SRC: variants seen among roughly 807,000 people sequenced by gnomAD.
SRC encodes proto-oncogene tyrosine-protein kinase Src.
In SRC, 13 loss-of-function variants were observed where a neutral mutation model predicts 62.9. That is an observed-to-expected ratio of 0.21 (90% CI 0.13 to 0.33). The LOEUF is 0.33. Among genes scored for constraint, SRC ranks in the 10% least tolerant of loss-of-function variants. The pLI, the probability that SRC is intolerant of heterozygous loss-of-function variation, is 1.00. For missense variants in SRC, 457 were observed against 737.3 expected (o/e 0.62, Z 4.40); for synonymous variants, 302 against 317.5 (o/e 0.95, Z 0.52).
intron 1 of SRC, among the ~76,000 whole-genome samples, chr20:37,347,632 G>A (rs1280877183): frequency 6.6e-6 from 1 of 152,200 alleles, no homozygotes; most frequent in Admixed American, 6.5e-5. Context: ...CAGCAGCTGG[G>A]TGACCGTAAG....
At chr20:37,382,998 C>T (rs953868113) in intron 3 of SRC, among the ~76,000 whole-genome samples, 1 of 152,208 alleles carries the variant, frequency 6.6e-6, no homozygotes, top group Admixed American at 6.5e-5. Flanking sequence ...AGTCCCTTAG[C>T]TCTTAAATAG....
Position 37,402,369 on chromosome 20 carries a change from A to T in SRC, c.1117-66A>T. 3 of 1,574,782 alleles carry T rather than the reference A, an allele frequency of 1.9e-6. No homozygotes were observed. The highest frequency in any genetic ancestry group is 2.6e-6 in the Non-Finnish European group (3 of 1,159,616). Reference sequence around the variant, plus strand: ...GGGGTGGTTGGCTCTCCAGCCCCAGAGTGCTCTGTGGCCCTGGGAGGGCAT... The same window carrying T: ...GGGGTGGTTGGCTCTCCAGCCCCAGTGTGCTCTGTGGCCCTGGGAGGGCAT... On this transcript the variant is annotated intron_variant, in intron 11 of 13. Coordinates refer to ENST00000373578, the MANE Select transcript of SRC (RefSeq NM_198291.3). This position sits in a 1 kb window ranked among gnomAD's most constrained non-coding sequence, Gnocchi z 6.2.
intron 2 of SRC, among the ~76,000 whole-genome samples, chr20:37,371,605 C>A (rs1341246469): frequency 6.6e-6 from 1 of 151,962 alleles, no homozygotes; most frequent in Non-Finnish European, 1.5e-5. Context: ...TTCTTTCCTT[C>A]CTTGTATAGC....
At chr20:37,361,899 G>T (rs1417195126) in intron 1 of SRC, among the ~76,000 whole-genome samples, 2 of 144,240 alleles carry the variant, frequency 1.4e-5, no homozygotes, top group East Asian at 4.1e-4. Flanking sequence ...CTGTGTGCAG[G>T]TAGAGATGCC....
chr20:37,382,377 G>C (rs187731441), intron 2 of SRC, among the ~76,000 whole-genome samples: 65 of 152,280 alleles, frequency 4.3e-4, no homozygotes, highest in Non-Finnish European at 5.3e-4. Flanking sequence ...TGGATGTGGA[G>C]AGCCCAGCTC....
In SRC at chr20:37,402,602, G is replaced by A. The variant is rs2070756091; in HGVS notation, c.1270+14G>A. On this transcript the variant is annotated intron_variant, in intron 12 of 13. Coordinates refer to ENST00000373578, the MANE Select transcript of SRC (RefSeq NM_198291.3). This position sits in a 1 kb window ranked among gnomAD's most constrained non-coding sequence, Gnocchi z 6.2. ...CGGCGCGGCAAGGTGGGCAGGGGCT[G>A]TGTGGTATGTCGCGCTTGGCCTGGG... 1 of 1,604,420 alleles carries A rather than the reference G, an allele frequency of 6.2e-7. No individual in the cohort carries two copies. The highest frequency in any genetic ancestry group is 1.7e-5 in the Admixed American group (1 of 59,158).
chr20:37,362,784 G>C (rs1396268435), intron 1 of SRC, among the ~76,000 whole-genome samples: 1 of 152,146 alleles, frequency 6.6e-6, no homozygotes, highest in Admixed American at 6.5e-5. Context: ...CCAGTCCCTA[G>C]ATGCTGTCTC....
At chr20:37,371,845 G>A (rs2070169898) in intron 2 of SRC, among the ~76,000 whole-genome samples, 3 of 152,084 alleles carry the variant, frequency 2.0e-5, no homozygotes, top group African/African-American at 7.2e-5. Context: ...GGGATTACAA[G>A]GCACCTGCCA....
intron 2 of SRC, among the ~76,000 whole-genome samples, chr20:37,375,865 A>G (rs146746091): frequency 1.7e-3 from 257 of 152,314 alleles, no homozygotes; most frequent in Middle Eastern, 6.8e-3. Context: ...TCAGTGTCTG[A>G]TGAGGACTCT....
intron 4 of SRC, among the ~76,000 whole-genome samples, chr20:37,385,666 G>A (rs1471018671): frequency 6.6e-6 from 1 of 152,194 alleles, no homozygotes; most frequent in Non-Finnish European, 1.5e-5. Flanking sequence ...AGCCTCCTGG[G>A]GGAGTGTTCT....
Position 37,401,682 on chromosome 20 carries a change from A to T in SRC, c.1116+4A>T. On this transcript the variant is annotated splice_donor_region_variant and intron_variant, in intron 11 of 13. Transcript: ENST00000373578. ...GCTGGTGGACATGGCTGCTCAGGTG[A>T]GTCAGCCCCTCCCGCCTCCCCACAC... The T allele has an allele frequency of 6.2e-7, 1 of 1,604,820 alleles. No homozygotes were observed. The highest frequency in any genetic ancestry group is 2.3e-5 in the East Asian group (1 of 44,072).
chr20:37,383,026 T>A (rs182816312), intron 3 of SRC, among the ~76,000 whole-genome samples: 57 of 152,360 alleles, frequency 3.7e-4, no homozygotes, highest in African/African-American at 1.3e-3. Flanking sequence ...TTCGTTCAGC[T>A]GTTTACTGAG....
At chr20:37,353,985 A>T (rs905186925) in intron 1 of SRC, among the ~76,000 whole-genome samples, 3 of 152,228 alleles carry the variant, frequency 2.0e-5, no homozygotes, top group African/African-American at 7.2e-5. Flanking sequence ...TGTTGCAAGG[A>T]TGAAGTCTTG....
chr20:37,385,053 ACAGACACCCG>A (rs1292837898), intron 4 of SRC, among the ~76,000 whole-genome samples: 1 of 152,240 alleles, frequency 6.6e-6, no homozygotes, highest in African/African-American at 2.4e-5. Flanking sequence ...AGGCAGGGTC[ACAGACACCCG>A]CAGACACATC....
At chr20:37,377,591 G>A (rs1418992381) in intron 2 of SRC, among the ~76,000 whole-genome samples, 1 of 152,180 alleles carries the variant, frequency 6.6e-6, no homozygotes, top group Non-Finnish European at 1.5e-5. Flanking sequence ...GATGGGACAC[G>A]CCGTGGGAGC....
intron 1 of SRC, among the ~76,000 whole-genome samples, chr20:37,355,385 G>A (rs995238296): frequency 1.3e-5 from 2 of 152,124 alleles, no homozygotes; most frequent in Non-Finnish European, 2.9e-5. Flanking sequence ...CATTTGCAGC[G>A]AGCTCCCCCC....
At chr20:37,348,029 A>G (rs534221975) in intron 1 of SRC, among the ~76,000 whole-genome samples, 16 of 152,300 alleles carry the variant, frequency 1.1e-4, no homozygotes, top group African/African-American at 3.6e-4. Context: ...GAAATGATTT[A>G]CAGTGTGTCA....
chr20:37,384,448 G>A lies in SRC; in HGVS notation c.250+45G>A. On this transcript the variant is annotated intron_variant, in intron 4 of 13. Transcript: ENST00000373578. This position sits in a 1 kb window ranked among gnomAD's most constrained non-coding sequence, Gnocchi z 6.7. The stretch of plus-strand genomic sequence containing the variant: ...GGGGTCCTCGCCCACCTGGGGCCAC[G>A]GCGGGGAGGCGGCGGGGCTGTGTGC... 4 of 1,301,728 alleles carry A rather than the reference G, an allele frequency of 3.1e-6. No homozygotes were observed. The highest frequency in any genetic ancestry group is 3.9e-6 in the Non-Finnish European group (4 of 1,032,270). The allele number at this position is 1,301,728 out of a possible 1,614,324, so 80.6% of individuals were successfully genotyped here. A position where few individuals can be genotyped will look rare whatever the true frequency, so the allele number is the denominator to read the frequency against.
At chr20:37,400,332 T>G in intron 10 of SRC, 38 bp downstream of exon 10, 2 of 1,562,748 alleles carry the variant, frequency 1.3e-6, no homozygotes, top group Non-Finnish European at 1.7e-6. Context: ...GCAGGGGCAC[T>G]CCGGACAGGG....
Sources: allele counts gnomAD v4.1 joint callset (sites outside exome capture counted in the v4.1 genomes callset), GRCh38; gene constraint gnomAD v4.1.1; non-coding constraint Gnocchi (gnomAD v3.1); transcripts MANE v1.5; gene names NCBI Gene and HGNC (gene_info 2026-07-23, HGNC 2026-07-21).